The following REC8 variants were observed in gnomAD, a reference collection of about 807,000 sequenced individuals.
The protein encoded by REC8 is REC8 meiotic recombination protein, also known as meiotic recombination protein REC8 homolog.
REC8 carries 42 observed loss-of-function variants against 78.3 expected under a neutral mutation model. The ratio of observed to expected loss-of-function variants is 0.54; its 90% CI spans 0.42 to 0.69. The LOEUF (loss-of-function observed/expected upper bound fraction) is 0.69, where lower values mean the gene tolerates loss of function less well. Among genes scored for constraint, REC8 ranks in the 30% least tolerant of loss-of-function variants. REC8 has a pLI of 0.00. For missense variants in REC8, 581 were observed against 715.8 expected (o/e 0.81, Z 2.15); for synonymous variants, 268 against 274.1 (o/e 0.98, Z 0.22).
At chr14:24,174,275 C>T (rs1311127011) in intron 5 of REC8, among the ~76,000 whole-genome samples, 9 of 151,232 alleles carry the variant, frequency 6.0e-5, no homozygotes, top group South Asian at 2.1e-4. Flanking sequence ...TGAGCCATCG[C>T]GCTGGCCTAT....
At chr14:24,180,765 G>C (rs745844201), downstream of REC8, 2 of 1,613,238 alleles carry the variant, frequency 1.2e-6, no homozygotes, top group Admixed American at 3.3e-5. Flanking sequence ...TAACCTGTGA[G>C]GAAAGAGTGG....
In REC8 at chr14:24,176,878, C is replaced by G. The variant is rs1359144032; in HGVS notation, c.601C>G (p.Pro201Ala). The change falls in exon 7 of 19, where the codon CCC becomes GCC. Residue 201 changes from proline to alanine, a missense_variant. Physicochemically the swap from Pro to Ala is conservative, Grantham distance 27. Coordinates refer to ENST00000611366, the MANE Select transcript of REC8 (RefSeq NM_001048205.2). ...PEAITILEAEPIRMLEIEGER... is the reference protein window; with the variant it reads ...PEAITILEAEAIRMLEIEGER... ...GGCCATCACGATCCTGGAGGCAGAG[C>G]CCATACGGATGCTGGAGATTGAGGT... is the stretch of plus-strand genomic sequence containing the variant. 6.2e-7 allele frequency: 1 copy of G among 1,613,660 alleles called. No homozygotes were observed. Among genetic ancestry groups the G allele is most frequent in the Non-Finnish European group, 8.5e-7 (1 of 1,179,766 alleles).
At position 24,179,689 on chromosome 14, in the gene REC8, C is replaced by T; in HGVS notation, c.1414C>T (p.Pro472Ser). The change falls in exon 17 of 19, where the codon CCA (proline) becomes TCA (serine). Residue 472 changes from proline to serine, a missense_variant. Pro to Ser is a moderately conservative substitution (Grantham distance 74). Coordinates refer to ENST00000611366, the MANE Select transcript of REC8 (RefSeq NM_001048205.2). ...VPMEMPLVLP[P>S]ELELLSLEAV... is the part of the protein sequence containing the mutation. ...CATGGAGATGCCTTTGGTGCTGCCC[C>T]CAGAGCTCGAGCTGCTCTCACTGGA... 1 of 1,614,242 alleles carries T rather than the reference C, an allele frequency of 6.2e-7. No homozygotes were observed. The highest frequency in any genetic ancestry group is 8.5e-7 in the Non-Finnish European group (1 of 1,180,056).
In REC8 at chr14:24,172,945, C is replaced by T. The variant is rs1197168306; in HGVS notation, c.172C>T (p.Pro58Ser). 2.5e-6 allele frequency: 4 copies of T among 1,610,700 alleles called. No individual in the cohort carries two copies. Among genetic ancestry groups the T allele is most frequent in the Non-Finnish European group, 3.4e-6 (4 of 1,180,016 alleles). Residue 58 changes from proline (P) to serine (S), a missense_variant, in exon 3 of 19, where the codon CCC becomes TCC. Pro to Ser is a moderately conservative substitution (Grantham distance 74). Coordinates refer to ENST00000611366, the MANE Select transcript of REC8 (RefSeq NM_001048205.2). ...YVLVRVQPPQ[P>S]GLPRPRFSLY... is the part of the protein sequence containing the mutation. Reference sequence around the variant, plus strand: ...GCTGGTACGAGTGCAACCCCCGCAGCCCGGCCTGCCGCGGCCCCGCTTCTC... The same window carrying T: ...GCTGGTACGAGTGCAACCCCCGCAGTCCGGCCTGCCGCGGCCCCGCTTCTC...
chr14:24,178,040 G>A, intron 11 of REC8, 51 bp from the exon 12 acceptor site: 1 of 1,576,170 alleles, frequency 6.3e-7, no homozygotes, highest in African/African-American at 1.4e-5. Flanking sequence ...AGAATGACAG[G>A]AAAAGGAGTA....
intron 4 of REC8, 27 bp from the exon 5 acceptor site, chr14:24,173,264 T>C (rs2038747515): frequency 6.2e-7 from 1 of 1,614,078 alleles, no homozygotes; most frequent in Non-Finnish European, 8.5e-7. Context: ...TCAGCCTCAG[T>C]CCTTCACGGC....
Position 24,176,826 on chromosome 14 carries a change from G to A in REC8, c.549G>A (p.Arg183=), listed in dbSNP as rs1167267260. The change falls in exon 7 of 19, where the codon AGG becomes AGA. Residue 183 remains arginine, a synonymous_variant. Transcript: ENST00000611366. Reference sequence around the variant, plus strand: ...GTGACTCTCTTGTCCCTCCAGAGAGGATTCCGGTCACTGTGCTGCCACCTG... The same window carrying A: ...GTGACTCTCTTGTCCCTCCAGAGAGAATTCCGGTCACTGTGCTGCCACCTG... ...EVPTEPREPE[R]IPVTVLPPEA... 1.9e-6 allele frequency: 3 copies of A among 1,612,944 alleles called. No individual in the cohort carries two copies. Among genetic ancestry groups the A allele is most frequent in the Non-Finnish European group, 2.5e-6 (3 of 1,179,360 alleles).
chr14:24,179,570 T>A (rs1227205034), intron 16 of REC8, 25 bp from the exon 17 acceptor site: 2 of 1,613,960 alleles, frequency 1.2e-6, no homozygotes, highest in African/African-American at 2.7e-5. Flanking sequence ...GCTGCCACCT[T>A]CCCTACTCTC....
At position 24,172,272 on chromosome 14, in the gene REC8, C is replaced by T; in HGVS notation, c.-281C>T. The T allele has an allele frequency of 2.0e-6, 1 of 503,538 alleles. No homozygotes were observed. Among genetic ancestry groups the T allele is most frequent in the South Asian group, 2.7e-5 (1 of 36,434 alleles). The allele number at this position is 503,538 out of a possible 1,614,324, so 31.2% of individuals were successfully genotyped here. ...TCTGCATCTCCAACCTGGAACCCAA[C>T]CCAGAAGTCTCAAGTTTGACGCATC... On this transcript the variant is annotated 5_prime_UTR_variant, in exon 1 of 19. Coordinates refer to ENST00000611366, the MANE Select transcript of REC8 (RefSeq NM_001048205.2).
intron 12 of REC8, 83 bp downstream of exon 12, chr14:24,178,305 C>G (rs2038993477): frequency 2.4e-6 from 3 of 1,260,326 alleles, no homozygotes; most frequent in African/African-American, 1.5e-5. Flanking sequence ...TTCCAAACTC[C>G]TCAGGTGGGT....
chr14:24,179,181 TC>T (rs776307698), intron 15 of REC8, 48 bp downstream of exon 15: 3 of 1,478,902 alleles, frequency 2.0e-6, no homozygotes, highest in Non-Finnish European at 2.8e-6. Context: ...CTAACCACTG[TC>T]CCAGGAAACT....
At chr14:24,176,945 A>G (rs1284132434) in intron 7 of REC8, 44 bp downstream of exon 7, 1 of 1,514,332 alleles carries the variant, frequency 6.6e-7, no homozygotes, top group African/African-American at 1.4e-5. Context: ...GCCCCCTTGC[A>G]TGTACTTCTC....
chr14:24,173,539 G>A (rs779667241), intron 5 of REC8, 128 bp downstream of exon 5: 19 of 1,520,742 alleles, frequency 1.2e-5, no homozygotes, highest in Non-Finnish European at 1.5e-5. Context: ...ATGGTGCAGG[G>A]GGACTGCCAA....
chr14:24,180,653 C>T (rs1229958584), downstream of REC8: 2 of 1,613,252 alleles, frequency 1.2e-6, no homozygotes, highest in Admixed American at 1.7e-5. Flanking sequence ...CACTCCCAGC[C>T]TCCCGCAAGC....
In REC8 at chr14:24,177,721, C is replaced by CCG. The variant is rs1566634627; in HGVS notation, c.827_828insCG (p.Glu277GlyfsTer142). The CCG allele has an allele frequency of 1.2e-6, 2 of 1,611,356 alleles. No homozygotes were observed. The highest frequency in any genetic ancestry group is 1.7e-5 in the Admixed American group (1 of 59,468). On this transcript the variant is annotated frameshift_variant, in exon 11 of 19. Coordinates refer to ENST00000611366, the MANE Select transcript of REC8 (RefSeq NM_001048205.2). LOFTEE classifies it high-confidence loss of function. ...GGTGTTGTTGCAGAGGTGACCCCCC[C>CCG]GGAGGAGCTGCGTCTGCCAGCCCCA...
chr14:24,177,341 C>G lies in REC8; in HGVS notation c.707-12C>G. 6.2e-7 allele frequency: 1 copy of G among 1,614,226 alleles called. No individual in the cohort carries two copies. Among genetic ancestry groups the G allele is most frequent in the Non-Finnish European group, 8.5e-7 (1 of 1,180,040 alleles). On this transcript the variant is annotated splice_polypyrimidine_tract_variant and intron_variant, in intron 8 of 18. Coordinates refer to ENST00000611366, the MANE Select transcript of REC8 (RefSeq NM_001048205.2). ...TTTTTCTGTCCTCTGAACTCTGATTCTCTCTCCACAGTCCCGCGGCTCCCA... is the reference window on the plus strand; with the variant it reads ...TTTTTCTGTCCTCTGAACTCTGATTGTCTCTCCACAGTCCCGCGGCTCCCA...
chr14:24,177,806 C>G, intron 11 of REC8, 48 bp downstream of exon 11: 1 of 1,515,682 alleles, frequency 6.6e-7, no homozygotes, highest in South Asian at 1.3e-5. Flanking sequence ...TTTGCCCTCC[C>G]CCACAAGGAC....
Position 24,179,069 on chromosome 14 carries a change from C to T in REC8, c.1204-16C>T, listed in dbSNP as rs566675063. The T allele has an allele frequency of 1.7e-5, 27 of 1,607,556 alleles. No homozygotes were observed. In the East Asian group the frequency reaches 5.8e-4, roughly 35 times the overall value. On this transcript the variant is annotated splice_polypyrimidine_tract_variant and intron_variant, in intron 14 of 18. Coordinates refer to ENST00000611366, the MANE Select transcript of REC8 (RefSeq NM_001048205.2). ...CCAGATGCTTGGGGTCTTAGTTCTA[C>T]TTCTCCCATCCCCAGGTCCCGAGGG...
Position 24,179,385 on chromosome 14 carries a change from C to T in REC8, c.1253-12C>T, listed in dbSNP as rs1341074408. On this transcript the variant is annotated splice_polypyrimidine_tract_variant and intron_variant, in intron 15 of 18. Coordinates refer to ENST00000611366, the MANE Select transcript of REC8 (RefSeq NM_001048205.2). The stretch of plus-strand genomic sequence containing the variant: ...AAGCAGACACCCACTAGCGCCTTTC[C>T]TCCCCCAACAGAGATCTCCCTAGAG... The T allele has an allele frequency of 1.1e-5, 18 of 1,613,762 alleles. No individual in the cohort carries two copies. Among genetic ancestry groups the T allele is most frequent in the African/African-American group, 2.7e-5 (2 of 74,926 alleles).
Sources: gnomAD v4.1 joint callset for allele counts (sites outside exome capture counted in the v4.1 genomes callset) on GRCh38, gnomAD v4.1.1 for gene constraint, MANE v1.5 for transcripts, NCBI Gene and HGNC (gene_info 2026-07-23, HGNC 2026-07-21) for gene names.